The following ZNF488 variants were observed in gnomAD, a reference collection of about 807,000 sequenced individuals.
ZNF488 encodes zinc finger protein 488.
Under a neutral mutation model 1.2 loss-of-function variants are expected in ZNF488, and 1 was observed. The ratio of observed to expected loss-of-function variants is 0.86; its 90% CI spans 0.30 to 4.07. The LOEUF is 4.07. Among genes scored for constraint, ZNF488 ranks in the 30% most tolerant of loss-of-function variants. ZNF488 has a pLI of 0.18. For synonymous variants in ZNF488, 185 were observed against 190.1 expected (o/e 0.97, Z 0.22); for missense variants, 450 against 437.9 (o/e 1.03, Z -0.25).
At chr10:47,368,981 A>C in intron 1 of ZNF488, 44 bp from the exon 2 acceptor site, 2 of 860,088 alleles carry the variant, frequency 2.3e-6, no homozygotes, top group South Asian at 3.6e-5. Context: ...GGCATTCATC[A>C]CTCAGGCACA....
rs1165454190 is a variant in ZNF488 at position 47,366,718 on chromosome 10, T to C, written c.*1089A>G. On this transcript the variant is annotated 3_prime_UTR_variant, in exon 2 of 2. Transcript: ENST00000585316. Reference sequence around the variant, plus strand: ...CAGCTACTGACCGAAACGCAGTAGATAATAAATGGTACCTAGAATGCTCCC... The same window carrying C: ...CAGCTACTGACCGAAACGCAGTAGACAATAAATGGTACCTAGAATGCTCCC... The C allele has an allele frequency of 1.2e-5, 2 of 167,072 alleles. No individual in the cohort carries two copies. Among genetic ancestry groups the C allele is most frequent in the Non-Finnish European group, 2.9e-5 (2 of 68,138 alleles). 10.3% of individuals were successfully genotyped at this position (167,072 alleles called of 1,614,324 possible).
In ZNF488 at chr10:47,367,927, C is replaced by T. The variant is rs781917796; in HGVS notation, c.903G>A (p.Glu301=). 3 of 1,614,108 alleles carry T rather than the reference C, an allele frequency of 1.9e-6. No homozygotes were observed. In the South Asian group the frequency reaches 3.3e-5, roughly 18 times the overall value. The part of the protein sequence containing the change: ...VFHMRSHHKK[E]HAGPDPHSQK... ...GAGAATGTGGGTCAGGCCCCGCATG[C>T]TCCTTTTTGTGGTGGGATCGCATGT... The change falls in exon 2 of 2, where the codon GAG becomes GAA. Residue 301 remains glutamate (E), a synonymous_variant. Coordinates refer to ENST00000585316, the MANE Select transcript of ZNF488 (RefSeq NM_153034.4).
At chr10:47,383,711 TG>T (rs1555215815) in intron 1 of ZNF488, among the ~76,000 whole-genome samples, 1 of 152,228 alleles carries the variant, frequency 6.6e-6, no homozygotes, top group Non-Finnish European at 1.5e-5. Flanking sequence ...AGAAAGGATC[TG>T]GGGCTGATGC....
At chr10:47,381,956 C>T (rs186417159) in intron 1 of ZNF488, among the ~76,000 whole-genome samples, 65 of 152,390 alleles carry the variant, frequency 4.3e-4, no homozygotes, top group African/African-American at 1.4e-3. Context: ...ATATTTTAGA[C>T]GTTATATTTG....
At chr10:47,377,677 A>T (rs1236026105) in intron 1 of ZNF488, among the ~76,000 whole-genome samples, 1 of 63,464 alleles carries the variant, frequency 1.6e-5, no homozygotes, top group Admixed American at 2.1e-4. Context: ...ACAATCACAC[A>T]CACACACACA....
intron 1 of ZNF488, among the ~76,000 whole-genome samples, chr10:47,381,295 A>G (rs575850414): frequency 2.0e-5 from 3 of 152,400 alleles, no homozygotes; most frequent in Admixed American, 2.0e-4. Flanking sequence ...TAAAACACAC[A>G]AGAGCAGAAA....
intron 1 of ZNF488, among the ~76,000 whole-genome samples, chr10:47,372,760 C>G (rs782731467): frequency 5.3e-5 from 8 of 152,150 alleles, no homozygotes; most frequent in Non-Finnish European, 1.0e-4. Flanking sequence ...AGAAAAATAT[C>G]AAAGACATCA....
chr10:47,368,373 TG>T lies in ZNF488; in HGVS notation c.456del (p.Ser153AlafsTer24), dbSNP rs782474287. 2 of 1,614,188 alleles carry T rather than the reference TG, an allele frequency of 1.2e-6. No individual in the cohort carries two copies. The highest frequency in any genetic ancestry group is 4.5e-5 in the East Asian group (2 of 44,870). ...CTTCTTTGCTCACTTCGTGCTCCGC[TG>T]GGCCACACAGAGAAGACTTTGCTGC... ...PAGSKVFSVW[P>X]SGARSEQRSA... On this transcript the variant is annotated frameshift_variant, in exon 2 of 2. Transcript: ENST00000585316. LOFTEE classifies it low-confidence loss of function (END_TRUNC).
chr10:47,379,689 C>T, intron 1 of ZNF488, among the ~76,000 whole-genome samples: 1 of 152,290 alleles, frequency 6.6e-6, no homozygotes, highest in Non-Finnish European at 1.5e-5. Flanking sequence ...CCGCCAGCTC[C>T]TCATGCACGT....
intron 1 of ZNF488, among the ~76,000 whole-genome samples, chr10:47,377,299 T>A (rs181972382): frequency 4.7e-4 from 72 of 152,334 alleles, no homozygotes; most frequent in African/African-American, 1.7e-3. Flanking sequence ...TATGTGTGCC[T>A]GGTACTGGAA....
intron 1 of ZNF488, among the ~76,000 whole-genome samples, chr10:47,378,441 A>G (rs1019927113): frequency 4.3e-4 from 66 of 152,246 alleles, no homozygotes; most frequent in African/African-American, 1.5e-3. Flanking sequence ...TGGCAGAACC[A>G]GACTCCACTC....
chr10:47,383,071 C>T (rs1307536166), intron 1 of ZNF488, among the ~76,000 whole-genome samples: 1 of 152,066 alleles, frequency 6.6e-6, no homozygotes, highest in Non-Finnish European at 1.5e-5. Context: ...AAAATTGCCT[C>T]GATATAGTTC....
chr10:47,368,596 T>C lies in ZNF488; in HGVS notation c.234A>G (p.Val78=). 6.2e-7 allele frequency: 1 copy of C among 1,610,756 alleles called. No individual in the cohort carries two copies. The highest frequency in any genetic ancestry group is 8.5e-7 in the Non-Finnish European group (1 of 1,179,850). ...DVGSAELALL[V]APGKPRPGKP... ...TGCCAGGTCGGGGCTTGCCTGGGGC[T>C]ACCAACAGTGCCAGCTCCGCACTGC... is the stretch of plus-strand genomic sequence containing the variant. The change falls in exon 2 of 2, where the codon GTA becomes GTG. Residue 78 remains valine (V), a synonymous_variant. Coordinates refer to ENST00000585316, the MANE Select transcript of ZNF488 (RefSeq NM_153034.4).
chr10:47,380,162 C>T (rs1471996083), intron 1 of ZNF488, among the ~76,000 whole-genome samples: 3 of 152,284 alleles, frequency 2.0e-5, no homozygotes, highest in Non-Finnish European at 4.4e-5. Context: ...CCCCCTGACA[C>T]TCTTTACTGG....
Position 47,370,888 on chromosome 10 carries a change from T to C in ZNF488, c.-108-1951A>G, listed in dbSNP as rs143735686. Among the ~76,000 whole-genome samples, 804 of 152,328 alleles carry C rather than the reference T, an allele frequency of 5.3e-3. 8 individuals carry two copies. Among genetic ancestry groups the C allele is most frequent in the African/African-American group, 0.018 (739 of 41,574 alleles). On this transcript the variant is annotated intron_variant, in intron 1 of 1. Transcript: ENST00000585316. The stretch of plus-strand genomic sequence containing the variant: ...CAGAAAATGACCACCAGGTCATTTG[T>C]TCATTGATTCCCTCTTCCGTTCATT...
intron 1 of ZNF488, among the ~76,000 whole-genome samples, chr10:47,370,664 C>T (rs1837432566): frequency 6.6e-6 from 1 of 152,242 alleles, no homozygotes; most frequent in African/African-American, 2.4e-5. Flanking sequence ...AAATGCGTAA[C>T]TCCAGAGACA....
At chr10:47,369,042 G>A (rs1238113687) in intron 1 of ZNF488, 105 bp from the exon 2 acceptor site, 14 of 580,244 alleles carry the variant, frequency 2.4e-5, no homozygotes, top group East Asian at 6.0e-5. Flanking sequence ...GGCCTCCTCC[G>A]CTGTCTGTGG....
chr10:47,383,742 C>T (rs756045299), intron 1 of ZNF488, among the ~76,000 whole-genome samples: 2 of 152,122 alleles, frequency 1.3e-5, no homozygotes, highest in Non-Finnish European at 2.9e-5. Context: ...ACCCTACTGC[C>T]CAGCGCAAGC....
At chr10:47,376,769 A>G (rs574088796) in intron 1 of ZNF488, among the ~76,000 whole-genome samples, 4 of 152,348 alleles carry the variant, frequency 2.6e-5, no homozygotes, top group Non-Finnish European at 5.9e-5. Context: ...ACACCTACAG[A>G]GGAGCCTGTG....
Sources: allele counts gnomAD v4.1 joint callset (sites outside exome capture counted in the v4.1 genomes callset), GRCh38; gene constraint gnomAD v4.1.1; transcripts MANE v1.5; gene names NCBI Gene and HGNC (gene_info 2026-07-23, HGNC 2026-07-21).